Variants in KCND2 observed in about 807,000 individuals in gnomAD.
KCND2 encodes potassium voltage-gated channel subfamily D member 2.
KCND2 carries 16 observed loss-of-function variants against 54.4 expected under a neutral mutation model. That is an observed-to-expected ratio of 0.29 (90% CI 0.20 to 0.45). The LOEUF (loss-of-function observed/expected upper bound fraction) is 0.45. Among genes scored for constraint, KCND2 ranks in the 20% least tolerant of loss-of-function variants. The probability of loss-of-function intolerance (pLI) is 1.00; values close to 1 mark genes in which losing one functional copy is unlikely to be tolerated. For missense variants in KCND2, 486 were observed against 824.2 expected, an observed-to-expected ratio of 0.59 and a Z score of 5.02; for synonymous variants, 317 against 310.7, an observed-to-expected ratio of 1.02 and a Z score of -0.21.
In KCND2 at chr7:120,398,910, G is replaced by C. The variant is rs79709386; in HGVS notation, c.1115+123163G>C. Among the ~76,000 whole-genome samples the C allele has an allele frequency of 1.6e-4, 25 of 152,164 alleles. No individual in the cohort carries two copies. The East Asian group carries it at 4.9e-3, about 30-fold the overall frequency. On this transcript the variant is annotated intron_variant, in intron 1 of 5. Coordinates refer to ENST00000331113, the MANE Select transcript of KCND2 (RefSeq NM_012281.3). ...ATAGGATAGAGGCCATGTCTTAGAC[G>C]TGGTGAAAATGAAGAGAAGCTGATA...
At chr7:120,555,979 G>A (rs967423407) in intron 1 of KCND2, among the ~76,000 whole-genome samples, 2 of 152,138 alleles carry the variant, frequency 1.3e-5, no homozygotes, top group African/African-American at 4.8e-5. Flanking sequence ...ACACAAAGGA[G>A]TTTAAAACTG....
intron 1 of KCND2, among the ~76,000 whole-genome samples, chr7:120,556,002 T>A (rs967039918): frequency 2.6e-5 from 4 of 152,206 alleles, no homozygotes; most frequent in Non-Finnish European, 5.9e-5. Flanking sequence ...AAAAACAGTA[T>A]TAGAAATGAC....
intron 1 of KCND2, among the ~76,000 whole-genome samples, chr7:120,662,445 A>G (rs962749075): frequency 5.3e-5 from 8 of 152,176 alleles, no homozygotes; most frequent in Non-Finnish European, 1.2e-4. Context: ...TCTCAAATGA[A>G]CAATACTTCA....
chr7:120,659,733 C>A (rs1187352081), intron 1 of KCND2, among the ~76,000 whole-genome samples: 2 of 152,132 alleles, frequency 1.3e-5, no homozygotes, highest in African/African-American at 2.4e-5. Context: ...AGGAACCCCA[C>A]GTATAACAAA....
chr7:120,748,059 G>T lies in KCND2; in HGVS notation c.*201G>T. 1 of 533,248 alleles carries T rather than the reference G, an allele frequency of 1.9e-6. No individual in the cohort carries two copies. Among genetic ancestry groups the T allele is most frequent in the South Asian group, 2.2e-5 (1 of 45,736 alleles). The allele number at this position is 533,248 out of a possible 1,614,324, so 33.0% of individuals were successfully genotyped here. On this transcript the variant is annotated 3_prime_UTR_variant, in exon 6 of 6. Coordinates refer to ENST00000331113, the MANE Select transcript of KCND2 (RefSeq NM_012281.3). Reference sequence around the variant, plus strand: ...TCTAGACAGTTTGACCTGTTATACAGAGTAATATTCTGTGGCCCTTTGACT... The same window carrying T: ...TCTAGACAGTTTGACCTGTTATACATAGTAATATTCTGTGGCCCTTTGACT...
chr7:120,476,769 A>G (rs1364877155), intron 1 of KCND2, among the ~76,000 whole-genome samples: 1 of 152,190 alleles, frequency 6.6e-6, no homozygotes, highest in Non-Finnish European at 1.5e-5. Context: ...GTTGACTCAT[A>G]TTATAGGACA....
intron 1 of KCND2, among the ~76,000 whole-genome samples, chr7:120,345,045 G>A (rs754395958): frequency 4.6e-5 from 7 of 152,292 alleles, no homozygotes; most frequent in East Asian, 3.9e-4. Context: ...GGGGAAGAGC[G>A]TTGAACTGAT....
chr7:120,513,170 A>G (rs1295031040), intron 1 of KCND2, among the ~76,000 whole-genome samples: 1 of 152,052 alleles, frequency 6.6e-6, no homozygotes, highest in Non-Finnish European at 1.5e-5. Context: ...CAATTTTTAT[A>G]TCTTAATCTA....
chr7:120,492,922 T>A (rs2116303517), intron 1 of KCND2, among the ~76,000 whole-genome samples: 1 of 152,188 alleles, frequency 6.6e-6, no homozygotes, highest in South Asian at 2.1e-4. Context: ...GTATGAATAC[T>A]TGAGGTATGG....
chr7:120,429,904 T>G (rs1318591558), intron 1 of KCND2, among the ~76,000 whole-genome samples: 1 of 152,144 alleles, frequency 6.6e-6, no homozygotes, highest in Non-Finnish European at 1.5e-5. Flanking sequence ...AAGTCAATAT[T>G]TGGAAGATGC....
chr7:120,733,224 C>G (rs1462308143), intron 2 of KCND2, among the ~76,000 whole-genome samples, 159 bp downstream of exon 2: 1 of 152,112 alleles, frequency 6.6e-6, no homozygotes, highest in African/African-American at 2.4e-5. Context: ...CGTAACATCT[C>G]AGTGGCTTAA....
intron 3 of KCND2, chr7:120,742,177 G>T (rs560359038): frequency 1.0e-5 from 3 of 298,288 alleles, no homozygotes; most frequent in Non-Finnish European, 6.4e-6. Context: ...GCACATGATC[G>T]TGGTTTCAAA....
intron 1 of KCND2, among the ~76,000 whole-genome samples, chr7:120,637,647 A>G (rs571391014): frequency 6.6e-6 from 1 of 152,252 alleles, no homozygotes; most frequent in East Asian, 1.9e-4. Context: ...CTGTATGTGG[A>G]TAAGTAGATT....
chr7:120,596,090 A>G (rs1424839464), intron 1 of KCND2, among the ~76,000 whole-genome samples: 1 of 152,112 alleles, frequency 6.6e-6, no homozygotes, highest in Non-Finnish European at 1.5e-5. Flanking sequence ...GAATTTTTCC[A>G]GGTGATCTTT....
At chr7:120,332,440 C>T (rs1341903772) in intron 1 of KCND2, among the ~76,000 whole-genome samples, 1 of 152,038 alleles carries the variant, frequency 6.6e-6, no homozygotes, top group Non-Finnish European at 1.5e-5. Flanking sequence ...TGTCAAGTAA[C>T]AAAAAGTAGG....
chr7:120,421,155 C>G (rs538434260), intron 1 of KCND2, among the ~76,000 whole-genome samples: 1 of 152,334 alleles, frequency 6.6e-6, no homozygotes, highest in African/African-American at 2.4e-5. Flanking sequence ...AAGTCAAGTG[C>G]CTGCCACTTC....
At chr7:120,327,628 A>G (rs1214292916) in intron 1 of KCND2, among the ~76,000 whole-genome samples, 1 of 152,142 alleles carries the variant, frequency 6.6e-6, no homozygotes, top group Non-Finnish European at 1.5e-5. Flanking sequence ...TGACACATTT[A>G]TAGCCTTCCT....
intron 2 of KCND2, among the ~76,000 whole-genome samples, chr7:120,735,172 TC>T (rs1277315673): frequency 6.6e-6 from 1 of 151,990 alleles, no homozygotes; most frequent in African/African-American, 2.4e-5. Flanking sequence ...AGAGAACTGA[TC>T]ATCTAACGAA....
chr7:120,483,828 G>T (rs1201363496), intron 1 of KCND2, among the ~76,000 whole-genome samples: 1 of 152,156 alleles, frequency 6.6e-6, no homozygotes, highest in Non-Finnish European at 1.5e-5. Context: ...TGAAGAATTA[G>T]ACATGTCGAG....
Sources: gnomAD v4.1 joint callset for allele counts (sites outside exome capture counted in the v4.1 genomes callset) on GRCh38, gnomAD v4.1.1 for gene constraint, MANE v1.5 for transcripts, NCBI Gene and HGNC (gene_info 2026-07-23, HGNC 2026-07-21) for gene names.